The following HTRA1 variants were observed in gnomAD, a reference collection of about 807,000 sequenced individuals.
The protein encoded by HTRA1 is HtrA serine peptidase 1.
Under a neutral mutation model 49.7 loss-of-function variants are expected in HTRA1, and 26 were observed. That is an observed-to-expected ratio of 0.52 (90% CI 0.38 to 0.73). HTRA1 has a LOEUF of 0.73. Among genes scored for constraint, HTRA1 ranks in the 30% least tolerant of loss-of-function variants. HTRA1 has a pLI of 0.00. For synonymous variants in HTRA1, 291 were observed against 286.9 expected, an observed-to-expected ratio of 1.01 and a Z score of -0.14; for missense variants, 561 against 667.2, an observed-to-expected ratio of 0.84 and a Z score of 1.75.
chr10:122,497,870 A>G (rs1203985771), intron 3 of HTRA1, among the ~76,000 whole-genome samples: 1 of 152,194 alleles, frequency 6.6e-6, no homozygotes, highest in Non-Finnish European at 1.5e-5. Context: ...ATGAAAGGGG[A>G]TGCATCAAAG....
In HTRA1 at chr10:122,509,116, G is replaced by A. The variant is rs112184565; in HGVS notation, c.1120+346G>A. The stretch of plus-strand genomic sequence containing the variant: ...AGTCCCATTTTGCTGATGAGAAAAC[G>A]GTTCAGGGAGATCATTCTGCAAACG... On this transcript the variant is annotated intron_variant, in intron 6 of 8. Coordinates refer to ENST00000368984, the MANE Select transcript of HTRA1 (RefSeq NM_002775.5). Among the ~76,000 whole-genome samples the A allele has an allele frequency of 7.0e-3, 1,058 of 152,214 alleles. 14 individuals are homozygous for A. Among genetic ancestry groups the A allele is most frequent in the African/African-American group, 0.024 (990 of 41,524 alleles).
intron 3 of HTRA1, among the ~76,000 whole-genome samples, chr10:122,505,330 C>T (rs2133448526): frequency 6.6e-6 from 1 of 152,284 alleles, no homozygotes; most frequent in East Asian, 1.9e-4. Flanking sequence ...AGTTTTAGGT[C>T]TTGGACTCTG....
At position 122,488,587 on chromosome 10, in the gene HTRA1, A is replaced by T. The variant is rs1297947306; in HGVS notation, c.473-315A>T. Reference sequence around the variant, plus strand: ...AAAATAAACTGAAAAAAAACAAAAAACAAACTTGGGCCATCAGCTTCTTGG... The same window carrying T: ...AAAATAAACTGAAAAAAAACAAAAATCAAACTTGGGCCATCAGCTTCTTGG... On this transcript the variant is annotated intron_variant, in intron 1 of 8. Transcript: ENST00000368984. Among the ~76,000 whole-genome samples the T allele has an allele frequency of 3.3e-5, 5 of 152,142 alleles. No individual in the cohort carries two copies. The East Asian group carries it at 9.6e-4, about 29-fold the overall frequency.
Position 122,514,439 on chromosome 10 carries a change from T to G in HTRA1, c.*80T>G. On this transcript the variant is annotated 3_prime_UTR_variant, in exon 9 of 9. Transcript: ENST00000368984. ...GGATGAGGACTCTGGGCTGCTGGAA[T>G]AGGACACTCAAGACTTTTGACTGCC... 1 of 1,414,426 alleles carries G rather than the reference T, an allele frequency of 7.1e-7. No homozygotes were observed. Among genetic ancestry groups the G allele is most frequent in the Non-Finnish European group, 1.0e-6 (1 of 1,000,440 alleles). 87.6% of individuals were successfully genotyped at this position (1,414,426 alleles called of 1,614,324 possible). A position where few individuals can be genotyped will look rare whatever the true frequency, so the allele number is the denominator to read the frequency against.
At chr10:122,478,671 C>T (rs1482046618) in intron 1 of HTRA1, among the ~76,000 whole-genome samples, 1 of 54,090 alleles carries the variant, frequency 1.8e-5, no homozygotes. Context: ...GGATTACAGG[C>T]TTGAGCCACT....
At chr10:122,463,021 A>G (rs1224348859) in intron 1 of HTRA1, among the ~76,000 whole-genome samples, 1 of 152,254 alleles carries the variant, frequency 6.6e-6, no homozygotes, top group Non-Finnish European at 1.5e-5. Flanking sequence ...TGGAAAAATA[A>G]TATCGAGTTC....
chr10:122,477,077 C>T (rs940386569), intron 1 of HTRA1, among the ~76,000 whole-genome samples: 11 of 151,374 alleles, frequency 7.3e-5, no homozygotes, highest in Non-Finnish European at 1.3e-4. Context: ...ACGCCATTCT[C>T]CTGCCTCAGC....
intron 1 of HTRA1, among the ~76,000 whole-genome samples, chr10:122,476,216 T>G (rs901833519): frequency 6.6e-6 from 1 of 152,168 alleles, no homozygotes; most frequent in Non-Finnish European, 1.5e-5. Flanking sequence ...ACGGCTCAGT[T>G]AAATGCAGCC....
rs945194473 is a variant in HTRA1, at chr10:122,464,356, A to G, written c.472+2232A>G. 6.6e-6 allele frequency among the ~76,000 whole-genome samples: 1 copy of G among 152,170 alleles called. No homozygotes were observed. Among genetic ancestry groups the G allele is most frequent in the African/African-American group, 2.4e-5 (1 of 41,460 alleles). ...ACAGCGGGCCCCCGGTGTACCAGTG[A>G]GGGGACAGCCACAGAGGGATAAGCA... On this transcript the variant is annotated intron_variant, in intron 1 of 8. Coordinates refer to ENST00000368984, the MANE Select transcript of HTRA1 (RefSeq NM_002775.5). This position sits in a 1 kb window ranked among gnomAD's most constrained non-coding sequence, Gnocchi z 4.8.
At position 122,506,898 on chromosome 10, in the gene HTRA1, C is replaced by T; in HGVS notation, c.972+13C>T. The T allele has an allele frequency of 6.2e-7, 1 of 1,611,730 alleles. No individual in the cohort carries two copies. Among genetic ancestry groups the T allele is most frequent in the Non-Finnish European group, 8.5e-7 (1 of 1,178,832 alleles). ...CGCCATCATCAACGTGAGCCTCTGTCCCTCTGCGGGTGGGGATTGGGGCAG... is the reference window on the plus strand; with the variant it reads ...CGCCATCATCAACGTGAGCCTCTGTTCCTCTGCGGGTGGGGATTGGGGCAG... On this transcript the variant is annotated intron_variant, in intron 4 of 8. Coordinates refer to ENST00000368984, the MANE Select transcript of HTRA1 (RefSeq NM_002775.5). The surrounding 1 kb of genome is among the most constrained non-coding windows in gnomAD (Gnocchi z 5.2).
chr10:122,512,883 C>A (rs1008008081), intron 8 of HTRA1, among the ~76,000 whole-genome samples: 1 of 152,084 alleles, frequency 6.6e-6, no homozygotes, highest in Non-Finnish European at 1.5e-5. Context: ...TCCCCAGAGT[C>A]CATTGTATCA....
At position 122,506,562 on chromosome 10, in the gene HTRA1, A is replaced by G. The variant is rs2097503141; in HGVS notation, c.778-129A>G. The G allele has an allele frequency of 1.5e-5, 12 of 787,508 alleles. No homozygotes were observed. In the South Asian group the frequency reaches 1.7e-4, roughly 11 times the overall value. The allele number at this position is 787,508 out of a possible 1,614,324, so 48.8% of individuals were successfully genotyped here. A position where few individuals can be genotyped will look rare whatever the true frequency, so the allele number is the denominator to read the frequency against. ...GCAAAGGGATGTTAGTTGTGAGCTC[A>G]GTTCCCCACCGGGCCTGGTGTTTCC... On this transcript the variant is annotated intron_variant, in intron 3 of 8. Coordinates refer to ENST00000368984, the MANE Select transcript of HTRA1 (RefSeq NM_002775.5). This position sits in a 1 kb window ranked among gnomAD's most constrained non-coding sequence, Gnocchi z 5.2.
chr10:122,470,523 G>A (rs1347540816), intron 1 of HTRA1, among the ~76,000 whole-genome samples: 6 of 152,036 alleles, frequency 3.9e-5, no homozygotes, highest in Non-Finnish European at 8.8e-5. Flanking sequence ...AATGATATAA[G>A]GAATATGAAG....
intron 3 of HTRA1, among the ~76,000 whole-genome samples, chr10:122,493,717 C>T (rs775866728): frequency 1.3e-5 from 2 of 152,152 alleles, no homozygotes; most frequent in Non-Finnish European, 2.9e-5. Flanking sequence ...CATGTCCTTC[C>T]CATCTTATAT....
intron 1 of HTRA1, among the ~76,000 whole-genome samples, chr10:122,472,741 G>C (rs1037971332): frequency 1.3e-5 from 2 of 152,106 alleles, no homozygotes; most frequent in African/African-American, 2.4e-5. Flanking sequence ...TTGGTTAACT[G>C]TTCCCCTGTT....
intron 1 of HTRA1, among the ~76,000 whole-genome samples, chr10:122,483,675 G>C (rs1056562041): frequency 7.2e-5 from 11 of 152,168 alleles, no homozygotes; most frequent in African/African-American, 2.7e-4. Context: ...GTGAGAAATT[G>C]ATAGCTTAAC....
chr10:122,496,347 G>T (rs1309901051), intron 3 of HTRA1, among the ~76,000 whole-genome samples: 2 of 146,546 alleles, frequency 1.4e-5, no homozygotes, highest in African/African-American at 5.0e-5. Context: ...AAAGGACTTT[G>T]TCAGAATTCC....
chr10:122,465,804 G>A (rs2097483530), intron 1 of HTRA1, among the ~76,000 whole-genome samples: 1 of 152,300 alleles, frequency 6.6e-6, no homozygotes, highest in East Asian at 1.9e-4. Flanking sequence ...AAGAGAGAAA[G>A]CCCTTCCAGA....
Position 122,494,065 on chromosome 10 carries a change from C to T in HTRA1, c.777+4439C>T, listed in dbSNP as rs546236726. On this transcript the variant is annotated intron_variant, in intron 3 of 8. Transcript: ENST00000368984. This position sits in a 1 kb window ranked among gnomAD's most constrained non-coding sequence, Gnocchi z 4.0. ...GCTGTGTGAGGTAGCGCCCCATGCCCCAGTCCCCTCAACTCCACTGCCTCA... is the reference window on the plus strand; with the variant it reads ...GCTGTGTGAGGTAGCGCCCCATGCCTCAGTCCCCTCAACTCCACTGCCTCA... Among the ~76,000 whole-genome samples, 6 of 152,286 alleles carry T rather than the reference C, an allele frequency of 3.9e-5. No homozygotes were observed. In the South Asian group the frequency reaches 1.2e-3, roughly 32 times the overall value.
Sources: allele counts gnomAD v4.1 joint callset (sites outside exome capture counted in the v4.1 genomes callset), GRCh38; gene constraint gnomAD v4.1.1; non-coding constraint Gnocchi (gnomAD v3.1); transcripts MANE v1.5; gene names NCBI Gene and HGNC (gene_info 2026-07-23, HGNC 2026-07-21).